The following LGALS8 variants were observed in gnomAD, a reference collection of about 807,000 sequenced individuals.
LGALS8 encodes the protein galectin 8, also known as galectin-8.
Under a neutral mutation model 35.9 loss-of-function variants are expected in LGALS8, and 30 were observed. The ratio of observed to expected loss-of-function variants is 0.83; its 90% CI spans 0.62 to 1.13. The LOEUF is 1.13. LGALS8 is among the 50% of genes most tolerant of loss of function. LGALS8 has a pLI of 0.00. For synonymous variants in LGALS8, 138 were observed against 136.1 expected, an observed-to-expected ratio of 1.01 and a Z score of -0.10; for missense variants, 366 against 388.7, an observed-to-expected ratio of 0.94 and a Z score of 0.49.
chr1:236,526,174 T>C lies in LGALS8; in HGVS notation c.45+59T>C. On this transcript the variant is annotated intron_variant, in intron 2 of 9. Transcript: ENST00000366584. This position sits in a 1 kb window ranked among gnomAD's most constrained non-coding sequence, Gnocchi z 4.6. Reference sequence around the variant, plus strand: ...TGCCAGGACAGATCCAATAGAATATTAATTATCCATTGGGAGACAGGGCAA... The same window carrying C: ...TGCCAGGACAGATCCAATAGAATATCAATTATCCATTGGGAGACAGGGCAA... The C allele has an allele frequency of 1.6e-6, 2 of 1,215,426 alleles. No homozygotes were observed. The highest frequency in any genetic ancestry group is 3.5e-5 in the Admixed American group (2 of 57,130). 75.3% of individuals were successfully genotyped at this position (1,215,426 alleles called of 1,614,324 possible).
intron 4 of LGALS8, 34 bp from the exon 5 acceptor site, chr1:236,540,530 G>A (rs1230372533): frequency 7.0e-7 from 1 of 1,438,636 alleles, no homozygotes; most frequent in Non-Finnish European, 9.2e-7. Flanking sequence ...TTTTTTTGGT[G>A]GCGGGGGGGG....
At chr1:236,546,749 T>C (rs1382771057) in intron 9 of LGALS8, among the ~76,000 whole-genome samples, 18 of 152,260 alleles carry the variant, frequency 1.2e-4, no homozygotes, top group Admixed American at 1.1e-3. Flanking sequence ...TGCTGCCAAC[T>C]TGGTTTTCCT....
chr1:236,535,206 T>G (rs1661406420), intron 2 of LGALS8, among the ~76,000 whole-genome samples: 1 of 152,034 alleles, frequency 6.6e-6, no homozygotes, highest in Non-Finnish European at 1.5e-5. Flanking sequence ...CTGCAAAGTA[T>G]GAAAATATAT....
chr1:236,542,805 G>C lies in LGALS8; in HGVS notation c.549+18G>C, dbSNP rs753332954. ...CCCAGCTTGTGAGTATTTTTGCCTG[G>C]GTTATTTCATGTGGAATATTTTATA... On this transcript the variant is annotated intron_variant, in intron 7 of 9. Coordinates refer to ENST00000366584, the MANE Select transcript of LGALS8 (RefSeq NM_201544.4). 1.9e-6 allele frequency: 3 copies of C among 1,614,000 alleles called. No homozygotes were observed. The East Asian group carries it at 6.7e-5, about 36-fold the overall frequency.
At chr1:236,540,491 T>C (rs1661910672) in intron 4 of LGALS8, 73 bp from the exon 5 acceptor site, 1 of 1,440,570 alleles carries the variant, frequency 6.9e-7, no homozygotes, top group Non-Finnish European at 9.2e-7. Flanking sequence ...ACATTTAAAT[T>C]TGGATAATAA....
intron 6 of LGALS8, 155 bp from the exon 7 acceptor site, chr1:236,542,606 C>T (rs558154442): frequency 1.4e-4 from 101 of 731,788 alleles, no homozygotes; most frequent in South Asian, 1.3e-3. Context: ...CATACCATTC[C>T]GTCATAAAGC....
chr1:236,533,339 CT>C (rs139389436), intron 2 of LGALS8, among the ~76,000 whole-genome samples: 3 of 149,052 alleles, frequency 2.0e-5, no homozygotes, highest in Non-Finnish European at 3.0e-5. Context: ...CTCCCCCACC[CT>C]TTTTTTTTTC....
chr1:236,550,823 A>G lies in LGALS8; in HGVS notation c.*2662A>G. 9.1e-7 allele frequency: 1 copy of G among 1,097,456 alleles called. No homozygotes were observed. The highest frequency in any genetic ancestry group is 2.4e-5 in the East Asian group (1 of 41,356). 68.0% of individuals were successfully genotyped at this position (1,097,456 alleles called of 1,614,324 possible). On this transcript the variant is annotated 3_prime_UTR_variant, in exon 10 of 10. Coordinates refer to ENST00000366584, the MANE Select transcript of LGALS8 (RefSeq NM_201544.4). ...GGTGTATTAAGGCACCAAAAGTAAC[A>G]TGGCACCCAACACCCAAAAATAAAA...
chr1:236,522,713 G>A (rs763825920), upstream of LGALS8, among the ~76,000 whole-genome samples: 35 of 152,072 alleles, frequency 2.3e-4, no homozygotes, highest in Non-Finnish European at 4.3e-4. Context: ...AACTACAGTC[G>A]AGTTGGATAG....
chr1:236,529,000 GTCCAGAGGCTCATGCCTGTAAT>G (rs1454189733), intron 2 of LGALS8, among the ~76,000 whole-genome samples: 1 of 152,216 alleles, frequency 6.6e-6, no homozygotes, highest in African/African-American at 2.4e-5. Flanking sequence ...CTAAGGCTGG[GTCCAGAGGCTCATGCCTGTAAT>G]TCCAGCACTG....
At position 236,549,293 on chromosome 1, in the gene LGALS8, T is replaced by C. The variant is rs1662601078; in HGVS notation, c.*1132T>C. On this transcript the variant is annotated 3_prime_UTR_variant, in exon 10 of 10. Coordinates refer to ENST00000366584, the MANE Select transcript of LGALS8 (RefSeq NM_201544.4). Reference sequence around the variant, plus strand: ...AATGGTTCCATTTCTGTGATTTTTCTATTATTTGAGGGGAGTTGGCAGAAG... The same window carrying C: ...AATGGTTCCATTTCTGTGATTTTTCCATTATTTGAGGGGAGTTGGCAGAAG... The C allele has an allele frequency of 3.9e-6, 1 of 254,766 alleles. No individual in the cohort carries two copies. The highest frequency in any genetic ancestry group is 7.4e-6 in the Non-Finnish European group (1 of 135,338). The allele number at this position is 254,766 out of a possible 1,614,324, so 15.8% of individuals were successfully genotyped here. A position where few individuals can be genotyped will look rare whatever the true frequency, so the allele number is the denominator to read the frequency against.
chr1:236,522,448 AT>A (rs1017198155), upstream of LGALS8, among the ~76,000 whole-genome samples: 20 of 151,890 alleles, frequency 1.3e-4, no homozygotes, highest in African/African-American at 3.4e-4. Flanking sequence ...ACAAAAAAAA[AT>A]TTTTAAATTA....
chr1:236,534,250 CCATGTTTCCTGGGTGTCTGT>C (rs1284229841), intron 2 of LGALS8, among the ~76,000 whole-genome samples: 3 of 152,152 alleles, frequency 2.0e-5, no homozygotes, highest in African/African-American at 4.8e-5. Context: ...CATTTTCACT[CCATGTTTCCTGGGTGTCTGT>C]TATGTTTCCT....
chr1:236,535,946 G>A (rs1462126876), intron 2 of LGALS8, among the ~76,000 whole-genome samples: 2 of 152,166 alleles, frequency 1.3e-5, no homozygotes, highest in East Asian at 3.9e-4. Context: ...TGCAGTTACC[G>A]ATCGTCTCTT....
Position 236,548,190 on chromosome 1 carries a change from A to AAAT in LGALS8, c.*31_*33dup. On this transcript the variant is annotated 3_prime_UTR_variant, in exon 10 of 10. Coordinates refer to ENST00000366584, the MANE Select transcript of LGALS8 (RefSeq NM_201544.4). ...ACCTACACAGCTGCTACAAAAACCA[A>AAAT]AATACAGAATGGCTTCTGTGATACT... is the stretch of plus-strand genomic sequence containing the variant. 3 of 1,598,852 alleles carry AAAT rather than the reference A, an allele frequency of 1.9e-6. No homozygotes were observed. Among genetic ancestry groups the AAAT allele is most frequent in the Non-Finnish European group, 2.6e-6 (3 of 1,171,334 alleles).
At chr1:236,524,724 CTTG>C (rs1660719042) in intron 1 of LGALS8, 1 of 307,066 alleles carries the variant, frequency 3.3e-6, no homozygotes, top group Non-Finnish European at 6.5e-6. Flanking sequence ...GGGTCACTGG[CTTG>C]TTATTATACA....
chr1:236,540,626 C>G lies in LGALS8; in HGVS notation c.408C>G (p.Asp136Glu). Residue 136 changes from aspartate (D) to glutamate (E), a missense_variant, in exon 5 of 10, where the codon GAC becomes GAG. Physicochemically the swap from Asp to Glu is conservative, Grantham distance 45. Transcript: ENST00000366584. ...YGHRIGPEKI[D>E]TLGIYGKVNI... ...ACAGGATCGGCCCAGAGAAAATAGA[C>G]ACTCTGGGCATTTATGGCAAAGTGA... 6.2e-7 allele frequency: 1 copy of G among 1,610,968 alleles called. No homozygotes were observed. Among genetic ancestry groups the G allele is most frequent in the Non-Finnish European group, 8.5e-7 (1 of 1,178,570 alleles).
At chr1:236,521,322 A>G (rs1221468566), upstream of LGALS8, among the ~76,000 whole-genome samples, 1 of 152,140 alleles carries the variant, frequency 6.6e-6, no homozygotes, top group African/African-American at 2.4e-5. Flanking sequence ...CTGACATTTG[A>G]GTAGACTTGA....
intron 1 of LGALS8, chr1:236,524,769 G>A (rs1660722048): frequency 4.8e-6 from 1 of 208,582 alleles, no homozygotes; most frequent in Non-Finnish European, 1.0e-5. Flanking sequence ...CATTCTTTTT[G>A]CTCTTGTTCT....
Sources: gnomAD v4.1 joint callset for allele counts (sites outside exome capture counted in the v4.1 genomes callset) on GRCh38, gnomAD v4.1.1 for gene constraint, Gnocchi (gnomAD v3.1) non-coding constraint, MANE v1.5 for transcripts, NCBI Gene and HGNC (gene_info 2026-07-23, HGNC 2026-07-21) for gene names.